The following DENND1A variants were observed in gnomAD, a reference collection of about 807,000 sequenced individuals.
DENND1A encodes DENN domain-containing protein 1A.
In DENND1A, 51 loss-of-function variants were observed where a neutral mutation model predicts 113.7. That is an observed-to-expected ratio of 0.45 (90% CI 0.36 to 0.57). DENND1A has a LOEUF of 0.57. Ranked by LOEUF, DENND1A falls within the 20% of genes least tolerant of loss-of-function variation. The pLI, the probability that DENND1A is intolerant of heterozygous loss-of-function variation, is 0.00. For missense variants in DENND1A, 1,258 were observed against 1,395.9 expected, an observed-to-expected ratio of 0.90 and a Z score of 1.57; for synonymous variants, 565 against 570.8, an observed-to-expected ratio of 0.99 and a Z score of 0.14.
At chr9:123,521,158 G>A (rs2054363737) in intron 13 of DENND1A, among the ~76,000 whole-genome samples, 1 of 152,140 alleles carries the variant, frequency 6.6e-6, no homozygotes, top group African/African-American at 2.4e-5. Context: ...GCTCCCCTGT[G>A]TGCCCATGCT....
At chr9:123,428,434 C>T (rs148962404) in intron 19 of DENND1A, among the ~76,000 whole-genome samples, 2 of 152,154 alleles carry the variant, frequency 1.3e-5, no homozygotes, top group Non-Finnish European at 2.9e-5. Flanking sequence ...GACAAACCCA[C>T]AGCCAATATC....
intron 2 of DENND1A, among the ~76,000 whole-genome samples, chr9:123,847,521 G>T (rs1002796393): frequency 6.6e-6 from 1 of 152,156 alleles, no homozygotes; most frequent in African/African-American, 2.4e-5. Context: ...CCAATATGAG[G>T]TTAGAATAAG....
At chr9:123,463,206 T>C (rs1176811347) in intron 13 of DENND1A, among the ~76,000 whole-genome samples, 1 of 152,188 alleles carries the variant, frequency 6.6e-6, no homozygotes, top group Non-Finnish European at 1.5e-5. Flanking sequence ...GTTTTCCAAG[T>C]ATGACCTGAA....
chr9:123,807,603 G>A (rs1478026383), intron 2 of DENND1A, among the ~76,000 whole-genome samples: 4 of 152,224 alleles, frequency 2.6e-5, no homozygotes, highest in Non-Finnish European at 5.9e-5. Context: ...CAGACTTCAA[G>A]CACAGTGCAC....
At chr9:123,786,750 C>T (rs1832241675) in intron 3 of DENND1A, among the ~76,000 whole-genome samples, 1 of 152,124 alleles carries the variant, frequency 6.6e-6, no homozygotes, top group African/African-American at 2.4e-5. Flanking sequence ...ATCCATTTGA[C>T]CCTTATATAA....
At chr9:123,928,460 A>G (rs548226290) in intron 1 of DENND1A, 1 of 730,334 alleles carries the variant, frequency 1.4e-6, no homozygotes, top group African/African-American at 1.9e-5. Flanking sequence ...TTTAATCCCA[A>G]TGTTTCACAA....
intron 11 of DENND1A, among the ~76,000 whole-genome samples, chr9:123,596,942 T>G (rs1229451450): frequency 6.6e-6 from 1 of 152,186 alleles, no homozygotes; most frequent in African/African-American, 2.4e-5. Flanking sequence ...AATTAAATAA[T>G]GAGCATAACG....
intron 19 of DENND1A, among the ~76,000 whole-genome samples, chr9:123,417,566 G>C (rs2044840392): frequency 6.6e-6 from 1 of 152,164 alleles, no homozygotes; most frequent in Non-Finnish European, 1.5e-5. Flanking sequence ...TGCTATCCTT[G>C]TCAACTAAAA....
chr9:123,551,789 C>T (rs1376412640), intron 13 of DENND1A, among the ~76,000 whole-genome samples: 1 of 152,154 alleles, frequency 6.6e-6, no homozygotes, highest in African/African-American at 2.4e-5. Context: ...CTGGCCCTCC[C>T]CGCCCTGAGC....
intron 5 of DENND1A, among the ~76,000 whole-genome samples, chr9:123,698,134 G>A (rs571245753): frequency 6.6e-6 from 1 of 152,272 alleles, no homozygotes; most frequent in Non-Finnish European, 1.5e-5. Flanking sequence ...TGGGGGTTGT[G>A]GAGGGGTAGA....
intron 2 of DENND1A, among the ~76,000 whole-genome samples, chr9:123,837,988 C>G (rs753830488): frequency 1.4e-4 from 21 of 152,320 alleles, no homozygotes; most frequent in Middle Eastern, 3.4e-3. Flanking sequence ...ACTTGTACAT[C>G]CTATCGTCAC....
At chr9:123,679,561 C>G (rs2064308013) in intron 5 of DENND1A, among the ~76,000 whole-genome samples, 1 of 152,248 alleles carries the variant, frequency 6.6e-6, no homozygotes, top group Admixed American at 6.5e-5. Context: ...CCTGTACACT[C>G]ACAGATGAAT....
At chr9:123,586,118 G>A (rs1302376462) in intron 11 of DENND1A, among the ~76,000 whole-genome samples, 1 of 152,058 alleles carries the variant, frequency 6.6e-6, no homozygotes, top group Non-Finnish European at 1.5e-5. Context: ...TGGAGGACGT[G>A]ATGCCTCCAG....
rs1022219792 is a variant in DENND1A at position 123,840,058 on chromosome 9, G to A, written c.88+38893C>T. Among the ~76,000 whole-genome samples the A allele has an allele frequency of 6.0e-5, 9 of 149,394 alleles. No homozygotes were observed. The South Asian group carries it at 1.3e-3, about 21-fold the overall frequency. ...TTATAATAGTTAGAAATGGAACATCGACCCCATGTTTCAAGTGTTTTTGTC... is the reference window on the plus strand; with the variant it reads ...TTATAATAGTTAGAAATGGAACATCAACCCCATGTTTCAAGTGTTTTTGTC... On this transcript the variant is annotated intron_variant, in intron 2 of 23. Coordinates refer to ENST00000394215, the MANE Select transcript of DENND1A (RefSeq NM_001352964.2).
At position 123,380,258 on chromosome 9, in the gene DENND1A, A is replaced by C. The variant is rs891089856; in HGVS notation, c.*1174T>G. 5.9e-5 allele frequency: 9 copies of C among 152,476 alleles called. No homozygotes were observed. Among genetic ancestry groups the C allele is most frequent in the African/African-American group, 1.9e-4 (8 of 41,462 alleles). The allele number at this position is 152,476 out of a possible 1,614,324, so 9.4% of individuals were successfully genotyped here. A position where few individuals can be genotyped will look rare whatever the true frequency, so the allele number is the denominator to read the frequency against. ...ACTTTAACTTGGTTTATGGAAATGA[A>C]TCCATTTCAAGATTCATCAAATCAA... is the stretch of plus-strand genomic sequence containing the variant. On this transcript the variant is annotated 3_prime_UTR_variant, in exon 24 of 24. Coordinates refer to ENST00000394215, the MANE Select transcript of DENND1A (RefSeq NM_001352964.2).
At chr9:123,535,146 A>G (rs1017768208) in intron 13 of DENND1A, among the ~76,000 whole-genome samples, 5 of 152,130 alleles carry the variant, frequency 3.3e-5, no homozygotes, top group African/African-American at 1.2e-4. Context: ...ACCCTTGACT[A>G]TTACCTGACG....
In DENND1A at chr9:123,625,512, G is replaced by C. The variant is rs144229823; in HGVS notation, c.719+4864C>G. Among the ~76,000 whole-genome samples the C allele has an allele frequency of 2.3e-3, 350 of 152,348 alleles. 1 individual carries two copies. Among genetic ancestry groups the C allele is most frequent in the African/African-American group, 8.2e-3 (341 of 41,580 alleles). Reference sequence around the variant, plus strand: ...TAATCCCAGTACTTTGGGAGGCTGAGGCAGGTGGATCACCTGAAGTCAGGA... The same window carrying C: ...TAATCCCAGTACTTTGGGAGGCTGACGCAGGTGGATCACCTGAAGTCAGGA... On this transcript the variant is annotated intron_variant, in intron 10 of 23. Coordinates refer to ENST00000394215, the MANE Select transcript of DENND1A (RefSeq NM_001352964.2).
At chr9:123,458,007 T>TTA in intron 13 of DENND1A, 110 bp from the exon 14 acceptor site, 1 of 760,284 alleles carries the variant, frequency 1.3e-6, no homozygotes, top group Admixed American at 3.0e-5. Flanking sequence ...TCTTTTCCTT[T>TTA]TTTTTTTTTT....
chr9:123,654,678 A>G (rs2062839739), intron 8 of DENND1A, among the ~76,000 whole-genome samples: 1 of 152,198 alleles, frequency 6.6e-6, no homozygotes, highest in African/African-American at 2.4e-5. Context: ...AATTCTCTCT[A>G]AACTGTCATG....
Sources: gnomAD v4.1 joint callset for allele counts (sites outside exome capture counted in the v4.1 genomes callset) on GRCh38, gnomAD v4.1.1 for gene constraint, MANE v1.5 for transcripts, NCBI Gene and HGNC (gene_info 2026-07-23, HGNC 2026-07-21) for gene names.